FBXL13: variants seen among roughly 807,000 people sequenced by gnomAD.
FBXL13 encodes the protein F-box and leucine-rich repeat protein 13.
A neutral mutation model predicts 83.6 loss-of-function variants in FBXL13; 67 were observed. The observed-to-expected ratio is 0.80, with a 90% CI of 0.66 to 0.98. FBXL13 has a LOEUF of 0.98. Among genes scored for constraint, FBXL13 ranks in the 50% least tolerant of loss-of-function variants. The pLI is 0.00. For synonymous variants in FBXL13, 272 were observed against 299.5 expected (o/e 0.91, Z 0.95); for missense variants, 822 against 866.5 (o/e 0.95, Z 0.64).
chr7:102,902,179 T>A (rs1584850961), intron 11 of FBXL13, among the ~76,000 whole-genome samples: 1 of 152,226 alleles, frequency 6.6e-6, no homozygotes, highest in African/African-American at 2.4e-5. Context: ...ATTTCTCTGA[T>A]GATCAATAAT....
At chr7:103,066,453 G>A (rs1238004489) in intron 1 of FBXL13, among the ~76,000 whole-genome samples, 3 of 151,584 alleles carry the variant, frequency 2.0e-5, no homozygotes, top group East Asian at 3.9e-4. Context: ...ATGTAGCGGT[G>A]CGATCTCGGC....
At position 103,041,295 on chromosome 7, in the gene FBXL13, A is replaced by G. The variant is rs149195163; in HGVS notation, c.1-11877T>C. 3.7e-3 allele frequency among the ~76,000 whole-genome samples: 560 copies of G among 152,348 alleles called. 4 individuals carry two copies. The highest frequency in any genetic ancestry group is 0.013 in the African/African-American group (553 of 41,580). Reference sequence around the variant, plus strand: ...AATCAGGAAGAAGTTGAATCTCTGAATAGACCAAAAACAGGTTCTGAAATT... The same window carrying G: ...AATCAGGAAGAAGTTGAATCTCTGAGTAGACCAAAAACAGGTTCTGAAATT... On this transcript the variant is annotated intron_variant, in intron 2 of 19. Coordinates refer to ENST00000313221, the Ensembl canonical transcript of FBXL13.
At chr7:102,860,634 T>G (rs1806671397) in intron 16 of FBXL13, among the ~76,000 whole-genome samples, 1 of 152,158 alleles carries the variant, frequency 6.6e-6, no homozygotes. Context: ...TTAGCTGATG[T>G]ACATAGACAA....
chr7:102,912,479 C>T (rs961645069), intron 11 of FBXL13, among the ~76,000 whole-genome samples: 3 of 152,142 alleles, frequency 2.0e-5, no homozygotes, highest in East Asian at 1.9e-4. Flanking sequence ...ACATCCAAAG[C>T]GCCATGCCCT....
chr7:102,991,803 T>G (rs1829585852), intron 6 of FBXL13, among the ~76,000 whole-genome samples: 1 of 152,172 alleles, frequency 6.6e-6, no homozygotes, highest in African/African-American at 2.4e-5. Flanking sequence ...TTGTATGATA[T>G]GGAAAGAAAA....
chr7:102,885,600 T>C (rs1023282846), intron 11 of FBXL13, among the ~76,000 whole-genome samples: 4 of 152,196 alleles, frequency 2.6e-5, no homozygotes, highest in African/African-American at 4.8e-5. Context: ...TGTACTTCGA[T>C]GCATAAACAC....
intron 6 of FBXL13, among the ~76,000 whole-genome samples, chr7:102,971,925 C>CT (rs1826727526): frequency 6.6e-6 from 1 of 151,480 alleles, no homozygotes; most frequent in Non-Finnish European, 1.5e-5. Flanking sequence ...ACTTGGGAGG[C>CT]TAAGGCAGGA....
At chr7:103,014,880 C>T (rs992668649) in intron 6 of FBXL13, among the ~76,000 whole-genome samples, 19 of 142,452 alleles carry the variant, frequency 1.3e-4, no homozygotes, top group East Asian at 6.3e-4. Flanking sequence ...GCCGAGATCA[C>T]GCCACTGCAC....
chr7:102,894,046 T>C (rs1030448882), intron 11 of FBXL13, among the ~76,000 whole-genome samples: 2 of 151,730 alleles, frequency 1.3e-5, no homozygotes, highest in African/African-American at 2.4e-5. Context: ...GACAAAGAAA[T>C]TCCTCCCCTG....
chr7:102,849,299 G>A (rs532826788), intron 17 of FBXL13, among the ~76,000 whole-genome samples: 9 of 152,298 alleles, frequency 5.9e-5, no homozygotes, highest in Non-Finnish European at 7.3e-5. Flanking sequence ...AAGAACTAAC[G>A]TTGGAGAAAG....
At chr7:102,912,088 A>G (rs949195093) in intron 11 of FBXL13, among the ~76,000 whole-genome samples, 4 of 152,212 alleles carry the variant, frequency 2.6e-5, no homozygotes, top group African/African-American at 9.6e-5. Context: ...ATCTAGCAAC[A>G]GATGCTTAAA....
chr7:103,040,711 C>T (rs1174006519), intron 2 of FBXL13, among the ~76,000 whole-genome samples: 1 of 152,168 alleles, frequency 6.6e-6, no homozygotes, highest in Non-Finnish European at 1.5e-5. Context: ...GAACAACCTG[C>T]TCCTGAATGA....
chr7:102,934,028 C>G, intron 8 of FBXL13: 1 of 1,614,038 alleles, frequency 6.2e-7, no homozygotes, highest in South Asian at 1.1e-5. Flanking sequence ...GGGTGGAGGC[C>G]GGAGAGGCTC....
At chr7:102,997,545 A>G (rs1411784814) in intron 6 of FBXL13, among the ~76,000 whole-genome samples, 1 of 152,116 alleles carries the variant, frequency 6.6e-6, no homozygotes. Flanking sequence ...TTTTGTTCCC[A>G]TTAACTAACC....
intron 9 of FBXL13, 63 bp from the exon 11 acceptor site, chr7:102,926,437 A>G (rs1818150731): frequency 1.6e-6 from 2 of 1,283,024 alleles, no homozygotes; most frequent in Non-Finnish European, 2.2e-6. Context: ...TTTCCCCATT[A>G]TCTTTCTATT....
At chr7:102,884,774 C>G (rs2129459253) in intron 11 of FBXL13, among the ~76,000 whole-genome samples, 1 of 152,310 alleles carries the variant, frequency 6.6e-6, no homozygotes, top group Admixed American at 6.5e-5. Context: ...AAATCCTGTA[C>G]CCATTAAGCA....
intron 16 of FBXL13, among the ~76,000 whole-genome samples, 155 bp from the exon 18 acceptor site, chr7:102,855,015 C>A (rs542510103): frequency 6.6e-6 from 1 of 152,090 alleles, no homozygotes; most frequent in Non-Finnish European, 1.5e-5. Flanking sequence ...CTTAACAAAT[C>A]GTAAGACCAC....
intron 6 of FBXL13, among the ~76,000 whole-genome samples, chr7:103,003,288 T>G (rs1420963336): frequency 8.0e-6 from 1 of 125,224 alleles, no homozygotes; most frequent in African/African-American, 3.0e-5. Context: ...GTTTTTTTTT[T>G]TTTTTTTTTT....
intron 8 of FBXL13, among the ~76,000 whole-genome samples, chr7:102,941,841 A>G (rs774014123): frequency 2.0e-5 from 3 of 152,240 alleles, no homozygotes; most frequent in Non-Finnish European, 4.4e-5. Flanking sequence ...AGTTACAACA[A>G]AACTAGTATA....
Sources: gnomAD v4.1 joint callset for allele counts (sites outside exome capture counted in the v4.1 genomes callset) on GRCh38, gnomAD v4.1.1 for gene constraint, MANE v1.5 for transcripts, NCBI Gene and HGNC (gene_info 2026-07-23, HGNC 2026-07-21) for gene names.